DHFR2: variants seen among roughly 807,000 people sequenced by gnomAD.
The protein encoded by DHFR2 is dihydrofolate reductase 2, also known as dihydrofolate reductase 2, mitochondrial.
In DHFR2, 11 loss-of-function variants were observed where a neutral mutation model predicts 12.0. That is an observed-to-expected ratio of 0.92 (90% CI 0.58 to 1.52). DHFR2 has a LOEUF of 1.52. Ranked by LOEUF, DHFR2 falls within the 40% of genes most tolerant of loss-of-function variation. The pLI is 0.00. For missense variants in DHFR2, 188 were observed against 221.2 expected, an observed-to-expected ratio of 0.85 and a Z score of 0.95; for synonymous variants, 87 against 79.6, an observed-to-expected ratio of 1.09 and a Z score of -0.49.
rs1232764724 is a variant in DHFR2, at chr3:94,060,878, T to C, written c.*70A>G. On this transcript the variant is annotated 3_prime_UTR_variant, in exon 2 of 2. Coordinates refer to ENST00000314636, the MANE Select transcript of DHFR2 (RefSeq NM_176815.5). ...AGATCTGAAGTCAACAAAAGTCCCT[T>C]TTCTAATGTAAAAATGCATACTTTT... 5 of 1,529,980 alleles carry C rather than the reference T, an allele frequency of 3.3e-6. No individual in the cohort carries two copies. In the Admixed American group the frequency reaches 1.0e-4, roughly 30 times the overall value. 94.8% of individuals were successfully genotyped at this position (1,529,980 alleles called of 1,614,324 possible). A position where few individuals can be genotyped will look rare whatever the true frequency, so the allele number is the denominator to read the frequency against.
At position 94,060,023 on chromosome 3, in the gene DHFR2, C is replaced by T. The variant is rs1475158670; in HGVS notation, c.*925G>A. ...CGTGAGCCAAGGTTGTTCCATTGCA[C>T]TCCGCCTGGGCAACAAGAGTGAAAT... On this transcript the variant is annotated 3_prime_UTR_variant, in exon 2 of 2. Coordinates refer to ENST00000314636, the MANE Select transcript of DHFR2 (RefSeq NM_176815.5). The T allele has an allele frequency of 6.6e-6, 1 of 151,332 alleles. No homozygotes were observed. Among genetic ancestry groups the T allele is most frequent in the African/African-American group, 2.4e-5 (1 of 41,084 alleles). The allele number at this position is 151,332 out of a possible 1,614,324, so 9.4% of individuals were successfully genotyped here.
In DHFR2 at chr3:94,060,651, C is replaced by T. The variant is rs1349237892; in HGVS notation, c.*297G>A. On this transcript the variant is annotated 3_prime_UTR_variant, in exon 2 of 2. Transcript: ENST00000314636. ...CTTCATCTTTAATAAATACTACCAACATTAGAAAAGCCTGACAATGTCAAG... is the reference window on the plus strand; with the variant it reads ...CTTCATCTTTAATAAATACTACCAATATTAGAAAAGCCTGACAATGTCAAG... The T allele has an allele frequency of 7.4e-6, 3 of 405,966 alleles. No individual in the cohort carries two copies. Among genetic ancestry groups the T allele is most frequent in the African/African-American group, 2.0e-5 (1 of 49,704 alleles). 25.1% of individuals were successfully genotyped at this position (405,966 alleles called of 1,614,324 possible). A position where few individuals can be genotyped will look rare whatever the true frequency, so the allele number is the denominator to read the frequency against.
Position 94,059,304 on chromosome 3 carries a change from C to CA in DHFR2, c.*1643dup. 2 of 152,192 alleles carry CA rather than the reference C, an allele frequency of 1.3e-5. No homozygotes were observed. Among genetic ancestry groups the CA allele is most frequent in the Non-Finnish European group, 2.9e-5 (2 of 68,066 alleles). The allele number at this position is 152,192 out of a possible 1,614,324, so 9.4% of individuals were successfully genotyped here. ...TCACGACTCACTGCAGCCTTGAACT[C>CA]ATGGGCTCAATTGAATCCTCCATCT... On this transcript the variant is annotated 3_prime_UTR_variant, in exon 2 of 2. Transcript: ENST00000314636.
rs763489633 is a variant in DHFR2 at position 94,061,562 on chromosome 3, G to T, written c.-51C>A. 1 of 1,604,786 alleles carries T rather than the reference G, an allele frequency of 6.2e-7. No individual in the cohort carries two copies. The highest frequency in any genetic ancestry group is 2.2e-5 in the East Asian group (1 of 44,726). ...CTTGCTGGCTACGCCAGGAAGCCAG[G>T]CCAAGAATGCCGCGAAATTCCCTTC... On this transcript the variant is annotated 5_prime_UTR_variant, in exon 2 of 2. Coordinates refer to ENST00000314636, the MANE Select transcript of DHFR2 (RefSeq NM_176815.5).
At position 94,061,142 on chromosome 3, in the gene DHFR2, C is replaced by T. The variant is rs1191842383; in HGVS notation, c.370G>A (p.Glu124Lys). 6.2e-7 allele frequency: 1 copy of T among 1,613,814 alleles called. No individual in the cohort carries two copies. Among genetic ancestry groups the T allele is most frequent in the African/African-American group, 1.3e-5 (1 of 74,900 alleles). The change falls in exon 2 of 2, where the codon GAA becomes AAA. Residue 124 changes from glutamate (E) to lysine (K), a missense_variant. Glu to Lys is a moderately conservative substitution (Grantham distance 56). Coordinates refer to ENST00000314636, the MANE Select transcript of DHFR2 (RefSeq NM_176815.5). Reference sequence around the variant, plus strand: ...AGATGGCCTAGGTGATTCATGGCTTCCTTATAAACAGAACTGCCACCAACT... The same window carrying T: ...AGATGGCCTAGGTGATTCATGGCTTTCTTATAAACAGAACTGCCACCAACT... ...WIVGGSSVYK[E>K]AMNHLGHLKL...
rs1308008497 is a variant in DHFR2 at position 94,062,749 on chromosome 3, A to C, written c.-99T>G. ...TCTGCCCAAGCGATCCTCCCACCTC[A>C]GCATCCGCAGAAGCAGGGGCCGCAC... On this transcript the variant is annotated 5_prime_UTR_variant, in exon 1 of 2. Transcript: ENST00000314636. 1 of 281,842 alleles carries C rather than the reference A, an allele frequency of 3.5e-6. No individual in the cohort carries two copies. Among genetic ancestry groups the C allele is most frequent in the African/African-American group, 2.1e-5 (1 of 46,638 alleles). The allele number at this position is 281,842 out of a possible 1,614,324, so 17.5% of individuals were successfully genotyped here.
Position 94,060,833 on chromosome 3 carries a change from G to T in DHFR2, c.*115C>A. The T allele has an allele frequency of 8.5e-7, 1 of 1,169,738 alleles. No homozygotes were observed. Among genetic ancestry groups the T allele is most frequent in the Non-Finnish European group, 1.2e-6 (1 of 834,400 alleles). 72.5% of individuals were successfully genotyped at this position (1,169,738 alleles called of 1,614,324 possible). A position where few individuals can be genotyped will look rare whatever the true frequency, so the allele number is the denominator to read the frequency against. On this transcript the variant is annotated 3_prime_UTR_variant, in exon 2 of 2. Coordinates refer to ENST00000314636, the MANE Select transcript of DHFR2 (RefSeq NM_176815.5). Reference sequence around the variant, plus strand: ...GATTAGTGAGGAATAAAAACACGTTGCTTAGAAATAATTATCCATAGATCT... The same window carrying T: ...GATTAGTGAGGAATAAAAACACGTTTCTTAGAAATAATTATCCATAGATCT...
upstream of DHFR2, chr3:94,063,147 T>C (rs1410573305): frequency 6.2e-7 from 1 of 1,613,912 alleles, no homozygotes; most frequent in Admixed American, 1.7e-5. Flanking sequence ...AGGTGAGACC[T>C]GGGGCCCGGC....
chr3:94,063,191 C>T (rs941832304), upstream of DHFR2: 48 of 1,601,132 alleles, frequency 3.0e-5, no homozygotes, highest in Non-Finnish European at 3.8e-5. Context: ...CGCTTCTGGA[C>T]GCGGCCGAGG....
Position 94,061,247 on chromosome 3 carries a change from A to C in DHFR2, c.265T>G (p.Phe89Val), listed in dbSNP as rs1198163838. ...GCATCATCCAAACTTCTGGCAAGAAAATGAGCTCCTTGTGGAGGTTCCTTG... is the reference window on the plus strand; with the variant it reads ...GCATCATCCAAACTTCTGGCAAGAACATGAGCTCCTTGTGGAGGTTCCTTG... The part of the protein sequence containing the change: ...ELKEPPQGAH[F>V]LARSLDDALK... The change falls in exon 2 of 2, where the codon TTT becomes GTT. Residue 89 changes from phenylalanine to valine, a missense_variant. Physicochemically the swap from Phe to Val is conservative, Grantham distance 50. Coordinates refer to ENST00000314636, the MANE Select transcript of DHFR2 (RefSeq NM_176815.5). 6.2e-7 allele frequency: 1 copy of C among 1,613,968 alleles called. No individual in the cohort carries two copies. Among genetic ancestry groups the C allele is most frequent in the Non-Finnish European group, 8.5e-7 (1 of 1,179,866 alleles).
intron 1 of DHFR2, 107 bp from the exon 2 acceptor site, chr3:94,061,713 A>G: frequency 2.9e-6 from 2 of 687,062 alleles, no homozygotes; most frequent in Non-Finnish European, 3.7e-6. Context: ...AATTTATAAA[A>G]TATTTATAAA....
rs188345998 is a variant in DHFR2, at chr3:94,059,373, C to T, written c.*1575G>A. The T allele has an allele frequency of 2.0e-5, 3 of 152,290 alleles. No individual in the cohort carries two copies. The highest frequency in any genetic ancestry group is 6.5e-5 in the Admixed American group (1 of 15,270). The allele number at this position is 152,290 out of a possible 1,614,324, so 9.4% of individuals were successfully genotyped here. A position where few individuals can be genotyped will look rare whatever the true frequency, so the allele number is the denominator to read the frequency against. On this transcript the variant is annotated 3_prime_UTR_variant, in exon 2 of 2. Transcript: ENST00000314636. ...AGACTACAGGTGTGTGCCACAATGCCCAGCCAATTTTTGTATCTTCTGTAG... is the reference window on the plus strand; with the variant it reads ...AGACTACAGGTGTGTGCCACAATGCTCAGCCAATTTTTGTATCTTCTGTAG...
Position 94,061,111 on chromosome 3 carries a change from A to G in DHFR2, c.401T>C (p.Leu134Pro). ...EAMNHLGHLK[L>P]FVTRIMQDFE... ...GTCCTGCATGATCCTTGTCACAAAT[A>G]GTTTAAGATGGCCTAGGTGATTCAT... Residue 134 changes from leucine (L) to proline (P), a missense_variant, in exon 2 of 2, where the codon CTA becomes CCA. Coordinates refer to ENST00000314636, the MANE Select transcript of DHFR2 (RefSeq NM_176815.5). 6.2e-7 allele frequency: 1 copy of G among 1,613,990 alleles called. No individual in the cohort carries two copies. Among genetic ancestry groups the G allele is most frequent in the East Asian group, 2.2e-5 (1 of 44,876 alleles).
chr3:94,060,914 G>A lies in DHFR2; in HGVS notation c.*34C>T. ...AAAATGCATACTTTTCTCAGAGGGAGGGGGAACAACTTAAACCAGAAAACA... is the reference window on the plus strand; with the variant it reads ...AAAATGCATACTTTTCTCAGAGGGAAGGGGAACAACTTAAACCAGAAAACA... On this transcript the variant is annotated 3_prime_UTR_variant, in exon 2 of 2. Transcript: ENST00000314636. 6.2e-7 allele frequency: 1 copy of A among 1,601,176 alleles called. No individual in the cohort carries two copies.
chr3:94,059,645 A>G lies in DHFR2; in HGVS notation c.*1303T>C, dbSNP rs1450942168. ...AAATCACAATTTCTTACCACATGCAATCCTTTGGTTCAAACTACCATCATC... is the reference window on the plus strand; with the variant it reads ...AAATCACAATTTCTTACCACATGCAGTCCTTTGGTTCAAACTACCATCATC... On this transcript the variant is annotated 3_prime_UTR_variant, in exon 2 of 2. Transcript: ENST00000314636. 6.6e-6 allele frequency: 1 copy of G among 152,236 alleles called. No homozygotes were observed. 9.4% of individuals were successfully genotyped at this position (152,236 alleles called of 1,614,324 possible).
Position 94,061,298 on chromosome 3 carries a change from T to C in DHFR2, c.214A>G (p.Ile72Val). ...PEKNRPLKDRINLVLSRELKE... is the reference protein window; with the variant it reads ...PEKNRPLKDRVNLVLSRELKE... Reference sequence around the variant, plus strand: ...AGTTCTCTGCTGAGAACTAAATTAATTCTATCCTTTAAAGGTCGATTCTTC... The same window carrying C: ...AGTTCTCTGCTGAGAACTAAATTAACTCTATCCTTTAAAGGTCGATTCTTC... Residue 72 changes from isoleucine (I) to valine (V), a missense_variant, in exon 2 of 2, where the codon ATT becomes GTT. Transcript: ENST00000314636. 6.2e-7 allele frequency: 1 copy of C among 1,613,996 alleles called. No individual in the cohort carries two copies. Among genetic ancestry groups the C allele is most frequent in the African/African-American group, 1.3e-5 (1 of 75,040 alleles).
upstream of DHFR2, chr3:94,063,258 A>T (rs2077188925): frequency 2.0e-6 from 2 of 1,009,608 alleles, no homozygotes; most frequent in South Asian, 2.5e-5. Flanking sequence ...CCCTCGCGAG[A>T]TCAGCGTTTC....
chr3:94,063,279 C>T (rs1006886237), upstream of DHFR2: 18 of 856,772 alleles, frequency 2.1e-5, no homozygotes, highest in Admixed American at 2.2e-4. Flanking sequence ...TTTGGCTTTA[C>T]TGTCAAGCCC....
At chr3:94,062,145 C>A (rs1329877009) in intron 1 of DHFR2, among the ~76,000 whole-genome samples, 1 of 152,122 alleles carries the variant, frequency 6.6e-6, no homozygotes, top group Non-Finnish European at 1.5e-5. Flanking sequence ...CTATTCGTGT[C>A]AAAATAGGTG....
Sources: gnomAD v4.1 joint callset for allele counts (sites outside exome capture counted in the v4.1 genomes callset) on GRCh38, gnomAD v4.1.1 for gene constraint, MANE v1.5 for transcripts, NCBI Gene and HGNC (gene_info 2026-07-23, HGNC 2026-07-21) for gene names.